The following TMCO4 variants were observed in gnomAD, a reference collection of about 807,000 sequenced individuals.
TMCO4 encodes the protein transmembrane and coiled-coil domains 4.
In TMCO4, 58 loss-of-function variants were observed where a neutral mutation model predicts 64.7. The ratio of observed to expected loss-of-function variants is 0.90; its 90% CI spans 0.73 to 1.12. TMCO4 has a LOEUF of 1.12. Ranked by LOEUF, TMCO4 falls within the 50% of genes most tolerant of loss-of-function variation. The pLI is 0.00. For synonymous variants in TMCO4, 325 were observed against 346.1 expected, an observed-to-expected ratio of 0.94 and a Z score of 0.68; for missense variants, 780 against 825.9, an observed-to-expected ratio of 0.94 and a Z score of 0.68.
At position 19,700,802 on chromosome 1, in the gene TMCO4, C is replaced by T. The variant is rs535945007; in HGVS notation, c.1348G>A (p.Val450Met). 6 of 1,614,132 alleles carry T rather than the reference C, an allele frequency of 3.7e-6. No homozygotes were observed. The highest frequency in any genetic ancestry group is 5.1e-6 in the Non-Finnish European group (6 of 1,180,044). ...CCGTTGATGATCCTCCCGGACACCACCTTCCGGAAAGGCTCCCAATGCTTG... is the reference window on the plus strand; with the variant it reads ...CCGTTGATGATCCTCCCGGACACCATCTTCCGGAAAGGCTCCCAATGCTTG... The part of the protein sequence containing the change: ...EAKHWEPFRK[V>M]VSGRIINGYC... The change falls in exon 14 of 16, where the codon GTG (valine) becomes ATG (methionine). Residue 450 changes from valine (V) to methionine (M), a missense_variant. Coordinates refer to ENST00000294543, the MANE Select transcript of TMCO4 (RefSeq NM_181719.7).
chr1:19,772,558 A>G (rs1463288017), intron 4 of TMCO4, among the ~76,000 whole-genome samples: 2 of 152,110 alleles, frequency 1.3e-5, no homozygotes, highest in Non-Finnish European at 2.9e-5. Context: ...TGACACAGCC[A>G]CCTCTGTGGA....
intron 2 of TMCO4, among the ~76,000 whole-genome samples, chr1:19,787,946 G>A (rs1168181305): frequency 1.3e-5 from 2 of 152,138 alleles, no homozygotes; most frequent in Non-Finnish European, 2.9e-5. Context: ...TAGTAGAGAC[G>A]GGGTTTTGCC....
At chr1:19,755,826 T>C (rs2042230470) in intron 6 of TMCO4, 60 bp from the exon 7 acceptor site, 1 of 1,604,122 alleles carries the variant, frequency 6.2e-7, no homozygotes, top group Admixed American at 1.7e-5. Context: ...ACAGTGATGT[T>C]AGCAGTGTAA....
At chr1:19,706,042 A>G (rs1265591445) in intron 13 of TMCO4, among the ~76,000 whole-genome samples, 1 of 152,152 alleles carries the variant, frequency 6.6e-6, no homozygotes, top group Admixed American at 6.5e-5. Context: ...CTGGGACTAC[A>G]GGTGTCTGTC....
Position 19,777,627 on chromosome 1 carries a change from C to T in TMCO4, c.179+2953G>A, listed in dbSNP as rs555742073. Among the ~76,000 whole-genome samples the T allele has an allele frequency of 1.6e-3, 247 of 152,304 alleles. 1 individual carries two copies. The highest frequency in any genetic ancestry group is 4.7e-3 in the African/African-American group (195 of 41,574). On this transcript the variant is annotated intron_variant, in intron 4 of 15. Coordinates refer to ENST00000294543, the MANE Select transcript of TMCO4 (RefSeq NM_181719.7). ...GCCTCCCAAAGTGTTGGGATTACAG[C>T]GTAAGCCACTGCGCCCAGCGCCAAA... is the stretch of plus-strand genomic sequence containing the variant.
intron 6 of TMCO4, among the ~76,000 whole-genome samples, chr1:19,762,618 A>T (rs183467163): frequency 6.6e-6 from 1 of 152,382 alleles, no homozygotes; most frequent in African/African-American, 2.4e-5. Context: ...ACTCTTATGC[A>T]TCAAAGAATA....
Position 19,683,758 on chromosome 1 carries a change from C to CTTTTTTTTTTTTT in TMCO4, c.1501-327_1501-315dup, listed in dbSNP as rs531431284. 5.1e-5 allele frequency among the ~76,000 whole-genome samples: 4 copies of CTTTTTTTTTTTTT among 79,050 alleles called. 2 individuals are homozygous for CTTTTTTTTTTTTT. Among genetic ancestry groups the CTTTTTTTTTTTTT allele is most frequent in the African/African-American group, 2.1e-4 (4 of 19,512 alleles). The allele number at this position is 79,050 out of a possible 152,430, so 51.9% of individuals were successfully genotyped here. A position where few individuals can be genotyped will look rare whatever the true frequency, so the allele number is the denominator to read the frequency against. On this transcript the variant is annotated intron_variant, in intron 15 of 15. Transcript: ENST00000294543. The stretch of plus-strand genomic sequence containing the variant: ...AGAAGCTCTCGTTCTTTGTCTGAAG[C>CTTTTTTTTTTTTT]TTTTTTTTTTTTTTTTTTTTTTTTT...
chr1:19,739,932 G>A lies in TMCO4; in HGVS notation c.1071C>T (p.Ala357=). The change falls in exon 12 of 16, where the codon GCC becomes GCT. Residue 357 remains alanine, a synonymous_variant. Transcript: ENST00000294543. ...TGACATTGGCGACACTGAGGAGTGAGGCTGGCCAGGTCAGGGCAGCCACAA... is the reference window on the plus strand; with the variant it reads ...TGACATTGGCGACACTGAGGAGTGAAGCTGGCCAGGTCAGGGCAGCCACAA... ...SGIVAALTWP[A]SLLSVANVID... 6.2e-7 allele frequency: 1 copy of A among 1,613,842 alleles called. No individual in the cohort carries two copies. The highest frequency in any genetic ancestry group is 8.5e-7 in the Non-Finnish European group (1 of 1,179,920).
intron 14 of TMCO4, among the ~76,000 whole-genome samples, chr1:19,695,305 G>T (rs1360653355): frequency 3.3e-5 from 5 of 152,222 alleles, no homozygotes; most frequent in Non-Finnish European, 7.3e-5. Flanking sequence ...GTCTACAGAG[G>T]ACATGGTCTG....
At chr1:19,709,992 G>T (rs2095323075) in intron 13 of TMCO4, among the ~76,000 whole-genome samples, 1 of 151,846 alleles carries the variant, frequency 6.6e-6, no homozygotes, top group Admixed American at 6.6e-5. Flanking sequence ...TGTTGGTCAG[G>T]CTGGTCTTGA....
intron 15 of TMCO4, among the ~76,000 whole-genome samples, chr1:19,689,826 C>A (rs576461081): frequency 6.6e-6 from 1 of 152,250 alleles, no homozygotes; most frequent in Non-Finnish European, 1.5e-5. Context: ...GGACAGAGAG[C>A]CCTGGACATG....
chr1:19,781,144 C>CAAAAAAAA (rs535767635), intron 3 of TMCO4, among the ~76,000 whole-genome samples: 1 of 52,614 alleles, frequency 1.9e-5, no homozygotes, highest in East Asian at 6.1e-4. Context: ...GACTCCATCT[C>CAAAAAAAA]AAAAAAAAAA....
At chr1:19,780,832 C>T in intron 3 of TMCO4, 66 bp from the exon 4 acceptor site, 1 of 1,325,134 alleles carries the variant, frequency 7.5e-7, no homozygotes, top group Non-Finnish European at 1.0e-6. Context: ...AAGCATGACA[C>T]AGAACTTACA....
At chr1:19,711,807 G>A (rs1266472119) in intron 13 of TMCO4, among the ~76,000 whole-genome samples, 4 of 152,060 alleles carry the variant, frequency 2.6e-5, no homozygotes, top group Non-Finnish European at 4.4e-5. Context: ...ACAGGCATGC[G>A]CCACCATGCC....
chr1:19,761,939 G>A (rs2042523171), intron 6 of TMCO4, among the ~76,000 whole-genome samples: 2 of 152,232 alleles, frequency 1.3e-5, no homozygotes, highest in African/African-American at 4.8e-5. Context: ...CTAAGCAGCA[G>A]GCATCATGGC....
In TMCO4 at chr1:19,775,833, C is replaced by T. The variant is rs542765937; in HGVS notation, c.180-4351G>A. Among the ~76,000 whole-genome samples the T allele has an allele frequency of 6.6e-5, 10 of 152,314 alleles. No homozygotes were observed. In the East Asian group the frequency reaches 1.5e-3, roughly 23 times the overall value. On this transcript the variant is annotated intron_variant, in intron 4 of 15. Coordinates refer to ENST00000294543, the MANE Select transcript of TMCO4 (RefSeq NM_181719.7). Reference sequence around the variant, plus strand: ...CTTTTATATCCTGTGGGATCAAGAACGGCCACACAGTGTTTTCTAAAGATT... The same window carrying T: ...CTTTTATATCCTGTGGGATCAAGAATGGCCACACAGTGTTTTCTAAAGATT...
chr1:19,774,635 T>G (rs530604191), intron 4 of TMCO4, among the ~76,000 whole-genome samples: 3 of 152,252 alleles, frequency 2.0e-5, no homozygotes, highest in East Asian at 1.9e-4. Context: ...GCCTTGATAA[T>G]TGCTACTAAT....
chr1:19,772,154 C>G (rs943875028), intron 4 of TMCO4, among the ~76,000 whole-genome samples: 2 of 152,278 alleles, frequency 1.3e-5, no homozygotes, highest in East Asian at 3.9e-4. Context: ...AACCAAGTGA[C>G]TCTAGAGCCG....
chr1:19,713,560 A>G (rs1353767047), intron 13 of TMCO4, among the ~76,000 whole-genome samples: 8 of 152,080 alleles, frequency 5.3e-5, no homozygotes, highest in Admixed American at 5.2e-4. Flanking sequence ...CCAGGTGGGC[A>G]TGGTGGTGTG....
Sources: gnomAD v4.1 joint callset for allele counts (sites outside exome capture counted in the v4.1 genomes callset) on GRCh38, gnomAD v4.1.1 for gene constraint, MANE v1.5 for transcripts, NCBI Gene and HGNC (gene_info 2026-07-23, HGNC 2026-07-21) for gene names.